ROBO2: variants seen among roughly 807,000 people sequenced by gnomAD.
The protein encoded by ROBO2 is roundabout guidance receptor 2, also known as roundabout homolog 2.
Under a neutral mutation model 160.8 loss-of-function variants are expected in ROBO2, and 53 were observed. The ratio of observed to expected loss-of-function variants is 0.33; its 90% CI spans 0.26 to 0.41. The LOEUF (loss-of-function observed/expected upper bound fraction) is 0.41, where lower values mean the gene tolerates loss of function less well. ROBO2 is among the 10% of genes least tolerant of loss of function. ROBO2 has a pLI of 1.00. For missense variants in ROBO2, 1,577 were observed against 1,722.4 expected (o/e 0.92, Z 1.49); for synonymous variants, 664 against 611.7 (o/e 1.09, Z -1.26).
At chr3:76,613,838 T>G (rs1429150751) in intron 2 of ROBO2, among the ~76,000 whole-genome samples, 1 of 152,098 alleles carries the variant, frequency 6.6e-6, no homozygotes, top group East Asian at 1.9e-4. Flanking sequence ...ATTAGTTACA[T>G]TAAGAACTTG....
chr3:77,232,475 A>G (rs1356827314), intron 2 of ROBO2, among the ~76,000 whole-genome samples: 1 of 152,178 alleles, frequency 6.6e-6, no homozygotes, highest in Non-Finnish European at 1.5e-5. Flanking sequence ...GATTTGTAGG[A>G]GAATGGTTTG....
intron 2 of ROBO2, among the ~76,000 whole-genome samples, chr3:76,056,960 GT>G (rs1305368050): frequency 6.6e-6 from 1 of 152,100 alleles, no homozygotes; most frequent in Non-Finnish European, 1.5e-5. Flanking sequence ...AAATGATTAT[GT>G]TGTGTATGCC....
At chr3:76,120,024 C>A (rs973828293) in intron 2 of ROBO2, among the ~76,000 whole-genome samples, 2 of 149,472 alleles carry the variant, frequency 1.3e-5, no homozygotes, top group African/African-American at 4.9e-5. Context: ...TTTGACAGAG[C>A]CTCACTCTGT....
chr3:76,561,321 G>T (rs1293496338), intron 2 of ROBO2, among the ~76,000 whole-genome samples: 2 of 152,074 alleles, frequency 1.3e-5, no homozygotes, highest in African/African-American at 4.8e-5. Context: ...TACTCAGCTT[G>T]CCTTAGAAAC....
At chr3:77,588,185 A>G (rs2094100197) in intron 16 of ROBO2, among the ~76,000 whole-genome samples, 1 of 152,024 alleles carries the variant, frequency 6.6e-6, no homozygotes, top group African/African-American at 2.4e-5. Flanking sequence ...ATCTCTGTGA[A>G]GGCTGTTTAC....
At chr3:77,537,770 G>A (rs2092221416) in intron 6 of ROBO2, among the ~76,000 whole-genome samples, 1 of 152,122 alleles carries the variant, frequency 6.6e-6, no homozygotes, top group African/African-American at 2.4e-5. Context: ...AGAAGAGCAA[G>A]GAACATCTTA....
chr3:76,220,403 G>C (rs986405295), intron 2 of ROBO2, among the ~76,000 whole-genome samples: 1 of 151,926 alleles, frequency 6.6e-6, no homozygotes, highest in African/African-American at 2.4e-5. Context: ...GTCTTTTAGG[G>C]GGTGACTAGG....
At chr3:76,639,342 A>T (rs2090514830) in intron 2 of ROBO2, among the ~76,000 whole-genome samples, 1 of 151,732 alleles carries the variant, frequency 6.6e-6, no homozygotes, top group African/African-American at 2.4e-5. Context: ...GTGTGTGTGT[A>T]TGTATATGTA....
chr3:76,514,484 C>T (rs2081254992), intron 2 of ROBO2, among the ~76,000 whole-genome samples: 1 of 152,112 alleles, frequency 6.6e-6, no homozygotes, highest in South Asian at 2.1e-4. Context: ...GGATATTCTT[C>T]ATTATCCCAA....
intron 2 of ROBO2, among the ~76,000 whole-genome samples, chr3:76,273,313 T>A (rs533186338): frequency 8.5e-4 from 129 of 151,416 alleles, no homozygotes; most frequent in African/African-American, 2.5e-3. Context: ...ATGCTTAGAA[T>A]AATAAGATTT....
At chr3:77,169,571 A>G (rs2079427178) in intron 2 of ROBO2, among the ~76,000 whole-genome samples, 3 of 152,126 alleles carry the variant, frequency 2.0e-5, no homozygotes, top group Admixed American at 2.0e-4. Context: ...TTTTCAGAAT[A>G]TCGTTTCTGA....
chr3:77,472,077 G>T (rs538102740), intron 2 of ROBO2, among the ~76,000 whole-genome samples: 1 of 152,118 alleles, frequency 6.6e-6, no homozygotes, highest in Non-Finnish European at 1.5e-5. Context: ...CTGAAGTGGC[G>T]TATTTTGGGG....
chr3:77,366,622 T>A (rs1344263610), intron 2 of ROBO2, among the ~76,000 whole-genome samples: 2 of 152,074 alleles, frequency 1.3e-5, no homozygotes, highest in African/African-American at 4.8e-5. Flanking sequence ...AATAAAAAAA[T>A]TTGATTTGGC....
In ROBO2 at chr3:77,363,150, T is replaced by C. The variant is rs574935437; in HGVS notation, c.389-114264T>C. On this transcript the variant is annotated intron_variant, in intron 2 of 25. Coordinates refer to ENST00000461745, the Ensembl canonical transcript of ROBO2. Reference sequence around the variant, plus strand: ...GCATAGAAAGTGTTACTAAAAATTCTGCAAAGGAAGTCTAACCAGATCAAG... The same window carrying C: ...GCATAGAAAGTGTTACTAAAAATTCCGCAAAGGAAGTCTAACCAGATCAAG... Among the ~76,000 whole-genome samples, 3 of 152,308 alleles carry C rather than the reference T, an allele frequency of 2.0e-5. No homozygotes were observed. The South Asian group carries it at 6.2e-4, about 32-fold the overall frequency.
rs142824328 is a variant in ROBO2 at position 77,184,429 on chromosome 3, TA to T, written c.388+86090del. On this transcript the variant is annotated intron_variant, in intron 2 of 25. Transcript: ENST00000461745. ...GGAATATTATATGCAAAAAAGGAAT[TA>T]TGAGTGAGTGGAAAAATATATGATC... is the stretch of plus-strand genomic sequence containing the variant. Among the ~76,000 whole-genome samples the T allele has an allele frequency of 1.3e-3, 196 of 152,044 alleles. 2 individuals are homozygous for T. The highest frequency in any genetic ancestry group is 4.3e-3 in the African/African-American group (180 of 41,512).
intron 2 of ROBO2, among the ~76,000 whole-genome samples, chr3:76,778,174 T>C (rs2062401922): frequency 6.6e-6 from 1 of 151,082 alleles, no homozygotes; most frequent in Non-Finnish European, 1.5e-5. Context: ...TGTAGAGACA[T>C]TGGAGGCCAT....
intron 2 of ROBO2, among the ~76,000 whole-genome samples, chr3:76,502,490 T>C (rs901248782): frequency 3.9e-5 from 6 of 152,254 alleles, no homozygotes; most frequent in Non-Finnish European, 7.3e-5. Flanking sequence ...TCCACTGATA[T>C]AAATAAAATT....
In ROBO2 at chr3:76,194,353, A is replaced by AATATATAT. The variant is rs772196827; in HGVS notation, c.109+256777_109+256784dup. On this transcript the variant is annotated intron_variant, in intron 2 of 26. Coordinates refer to the ROBO2 transcript ENST00000487694. ...TCTATATAAATATGTATGGTGTGTA[A>AATATATAT]ATATATATATATATATATATATATA... Among the ~76,000 whole-genome samples, 198 of 94,480 alleles carry AATATATAT rather than the reference A, an allele frequency of 2.1e-3. 2 individuals carry two copies. Among genetic ancestry groups the AATATATAT allele is most frequent in the African/African-American group, 7.8e-3 (192 of 24,588 alleles). The allele number at this position is 94,480 out of a possible 152,430, so 62.0% of individuals were successfully genotyped here. A position where few individuals can be genotyped will look rare whatever the true frequency, so the allele number is the denominator to read the frequency against.
intron 2 of ROBO2, among the ~76,000 whole-genome samples, chr3:77,290,802 AC>A (rs1348449575): frequency 9.8e-6 from 1 of 102,062 alleles, no homozygotes; most frequent in Non-Finnish European, 2.2e-5. Context: ...AGGCTAGATC[AC>A]CCCAGACATA....
Sources: gnomAD v4.1 joint callset for allele counts (sites outside exome capture counted in the v4.1 genomes callset) on GRCh38, gnomAD v4.1.1 for gene constraint, MANE v1.5 for transcripts, NCBI Gene and HGNC (gene_info 2026-07-23, HGNC 2026-07-21) for gene names.